The following UTY variants were observed in gnomAD, a reference collection of about 807,000 sequenced individuals.
The protein encoded by UTY is ubiquitously transcribed tetratricopeptide repeat containing, Y-linked.
In UTY, 12 loss-of-function variants were observed where a neutral mutation model predicts 32.5. The ratio of observed to expected loss-of-function variants is 0.37; its 90% CI spans 0.24 to 0.60. The LOEUF (loss-of-function observed/expected upper bound fraction) is 0.60, where lower values mean the gene tolerates loss of function less well. Among genes scored for constraint, UTY ranks in the 20% least tolerant of loss-of-function variants. UTY has a pLI of 0.69. For missense variants in UTY, 303 were observed against 299.2 expected (o/e 1.01, Z -0.09); for synonymous variants, 131 against 103.4 (o/e 1.27, Z -1.62).
intron 3 of UTY, among the ~76,000 whole-genome samples, chrY:13,450,856 C>CGAGA (rs2076261041): frequency 3.3e-5 from 1 of 29,939 alleles, no homozygotes; most frequent in East Asian, 8.7e-4. Flanking sequence ...AATGACAAGA[C>CGAGA]GAGAGGCTGC....
At position 13,326,318 on chromosome Y, in the gene UTY, C is replaced by T; in HGVS notation, c.2867G>A (p.Cys956Tyr). The T allele has an allele frequency of 5.0e-6, 2 of 396,310 alleles. No homozygotes were observed. The highest frequency in any genetic ancestry group is 7.1e-6 in the Non-Finnish European group (2 of 281,900). Reference sequence around the variant, plus strand: ...AGGTGGACATTTATCTAACAAAATGCAGCTATTAGACAAGCCATTTTTACC... The same window carrying T: ...AGGTGGACATTTATCTAACAAAATGTAGCTATTAGACAAGCCATTTTTACC... Reference protein sequence around the residue: ...NPGKNGLSNSCILLDKCPPPR... With the variant: ...NPGKNGLSNSYILLDKCPPPR... Residue 956 changes from cysteine to tyrosine, a missense_variant, in exon 19 of 30, where the codon TGC (cysteine) becomes TAC (tyrosine). Physicochemically the swap from Cys to Tyr is radical, Grantham distance 194. Coordinates refer to ENST00000545955, the MANE Select transcript of UTY (RefSeq NM_001258249.2).
intron 8 of UTY, among the ~76,000 whole-genome samples, chrY:13,382,872 C>T: frequency 9.0e-5 from 3 of 33,201 alleles, no homozygotes; most frequent in African/African-American, 3.5e-4. Context: ...TATTATAGCA[C>T]GAGTAAAAAG....
intron 3 of UTY, among the ~76,000 whole-genome samples, chrY:13,464,864 G>A: frequency 3.0e-5 from 1 of 33,120 alleles, no homozygotes; most frequent in Non-Finnish European, 7.4e-5. Flanking sequence ...GGATCATGAG[G>A]TCAGGAGATC....
chrY:13,458,856 G>T (rs2077112251), intron 3 of UTY, among the ~76,000 whole-genome samples: 2 of 32,739 alleles, frequency 6.1e-5, no homozygotes, highest in African/African-American at 1.2e-4. Flanking sequence ...ATGAGTTCAT[G>T]TCCTTTGTAG....
intron 7 of UTY, among the ~76,000 whole-genome samples, chrY:13,395,266 C>CA (rs2068006673): frequency 3.1e-5 from 1 of 32,247 alleles, no homozygotes; most frequent in African/African-American, 1.2e-4. Context: ...CCTTTTCAAA[C>CA]AGAGTTTTCC....
At chrY:13,423,987 T>A in intron 4 of UTY, among the ~76,000 whole-genome samples, 1 of 33,134 alleles carries the variant, frequency 3.0e-5, no homozygotes, top group Admixed American at 2.7e-4. Flanking sequence ...AGTTACTACA[T>A]CCTCATGCTC....
At chrY:13,334,510 C>A (rs1603415679) in intron 18 of UTY, among the ~76,000 whole-genome samples, 1 of 33,491 alleles carries the variant, frequency 3.0e-5, no homozygotes, top group Non-Finnish European at 7.4e-5. Flanking sequence ...TAAGAAAAAA[C>A]CAAAAAGCTC....
chrY:13,313,761 G>A (rs1002391094), intron 21 of UTY, among the ~76,000 whole-genome samples: 2 of 33,417 alleles, frequency 6.0e-5, no homozygotes, highest in Non-Finnish European at 1.5e-4. Context: ...CCCAATCATC[G>A]GTTTCGTCTG....
chrY:13,269,876 C>T (rs2056179189), intron 27 of UTY, among the ~76,000 whole-genome samples: 2 of 34,071 alleles, frequency 5.9e-5, no homozygotes, highest in Non-Finnish European at 1.5e-4. Flanking sequence ...GTGGGCTGCA[C>T]CCCCTTTCTA....
intron 27 of UTY, among the ~76,000 whole-genome samples, chrY:13,278,335 A>T: frequency 3.0e-5 from 1 of 33,594 alleles, no homozygotes; most frequent in Non-Finnish European, 7.4e-5. Context: ...GGCCATGAGG[A>T]AATATTCCTT....
At chrY:13,425,947 T>C (rs2073183971) in intron 4 of UTY, among the ~76,000 whole-genome samples, 1 of 33,423 alleles carries the variant, frequency 3.0e-5, no homozygotes, top group African/African-American at 1.2e-4. Flanking sequence ...GTGCAGCATC[T>C]ACATAAAGTC....
chrY:13,329,544 T>C, intron 18 of UTY, among the ~76,000 whole-genome samples: 1 of 33,951 alleles, frequency 2.9e-5, no homozygotes, highest in African/African-American at 1.1e-4. Context: ...TTAAAGTCTA[T>C]GTTAGGTTTG....
chrY:13,402,673 C>G, intron 6 of UTY, among the ~76,000 whole-genome samples: 1 of 33,466 alleles, frequency 3.0e-5, no homozygotes, highest in South Asian at 6.6e-4. Context: ...CAAACATCAC[C>G]TCATCCTCTA....
At chrY:13,467,408 C>T in intron 3 of UTY, among the ~76,000 whole-genome samples, 1 of 34,073 alleles carries the variant, frequency 2.9e-5, no homozygotes, top group African/African-American at 1.1e-4. Flanking sequence ...AAAAATTATA[C>T]AAGGTCTCTT....
intron 8 of UTY, among the ~76,000 whole-genome samples, chrY:13,392,912 T>G: frequency 3.0e-5 from 1 of 32,946 alleles, no homozygotes; most frequent in Admixed American, 2.8e-4. Flanking sequence ...GAAGCTGGAG[T>G]GCAGTATCAC....
chrY:13,329,375 T>C (rs2060505605), intron 18 of UTY, among the ~76,000 whole-genome samples: 1 of 33,800 alleles, frequency 3.0e-5, no homozygotes, highest in Admixed American at 2.7e-4. Context: ...AAAACCAATA[T>C]ATTATTGTTA....
intron 17 of UTY, among the ~76,000 whole-genome samples, chrY:13,347,300 A>C: frequency 3.0e-5 from 1 of 33,280 alleles, no homozygotes; most frequent in Non-Finnish European, 7.4e-5. Context: ...GGGTCACAAG[A>C]CTGGTAAGTT....
chrY:13,262,458 C>G (rs942990765), intron 27 of UTY, among the ~76,000 whole-genome samples: 2 of 32,381 alleles, frequency 6.2e-5, no homozygotes, highest in African/African-American at 1.2e-4. Flanking sequence ...ACCTACTCAC[C>G]CCACCACCCT....
chrY:13,469,741 G>T, intron 3 of UTY, among the ~76,000 whole-genome samples: 1 of 33,378 alleles, frequency 3.0e-5, no homozygotes, highest in Non-Finnish European at 7.4e-5. Context: ...AGAAAATCGA[G>T]AAATCAAATG....
Sources: gnomAD v4.1 joint callset for allele counts (sites outside exome capture counted in the v4.1 genomes callset) on GRCh38, gnomAD v4.1.1 for gene constraint, MANE v1.5 for transcripts, NCBI Gene and HGNC (gene_info 2026-07-23, HGNC 2026-07-21) for gene names.